The following SGCG variants were observed in gnomAD, a reference collection of about 807,000 sequenced individuals.
The protein encoded by SGCG is sarcoglycan gamma, also known as gamma-sarcoglycan.
SGCG carries 26 observed loss-of-function variants against 29.3 expected under a neutral mutation model. That is an observed-to-expected ratio of 0.89 (90% confidence interval 0.65 to 1.23). The LOEUF is 1.23. Ranked by LOEUF, SGCG falls within the 50% of genes most tolerant of loss-of-function variation. The pLI is 0.00. For missense variants in SGCG, 353 were observed against 356.0 expected, an observed-to-expected ratio of 0.99 and a Z score of 0.07; for synonymous variants, 145 against 129.7, an observed-to-expected ratio of 1.12 and a Z score of -0.80.
At chr13:23,189,468 G>A (rs905975673) in intron 1 of SGCG, among the ~76,000 whole-genome samples, 1 of 152,006 alleles carries the variant, frequency 6.6e-6, no homozygotes, top group Non-Finnish European at 1.5e-5. Context: ...GAGCCACTGC[G>A]CCTGGCCTTT....
chr13:23,248,013 G>A (rs1211354593), intron 3 of SGCG, among the ~76,000 whole-genome samples: 1 of 139,266 alleles, frequency 7.2e-6, no homozygotes, highest in Non-Finnish European at 1.6e-5. Context: ...AGTGGCTCAC[G>A]CCTGTAATCC....
chr13:23,313,531 C>G (rs1189279386), intron 6 of SGCG, among the ~76,000 whole-genome samples: 1 of 152,102 alleles, frequency 6.6e-6, no homozygotes, highest in Non-Finnish European at 1.5e-5. Context: ...ACATGTTTGA[C>G]TGTTCATAGT....
At chr13:23,178,816 C>G (rs766884260), upstream of SGCG, among the ~76,000 whole-genome samples, 5 of 152,160 alleles carry the variant, frequency 3.3e-5, no homozygotes, top group East Asian at 9.6e-4. Flanking sequence ...AGTGATCCCC[C>G]GAACCCAACC....
intron 4 of SGCG, among the ~76,000 whole-genome samples, chr13:23,253,680 C>T (rs1171385181): frequency 6.6e-6 from 1 of 152,310 alleles, no homozygotes; most frequent in East Asian, 1.9e-4. Flanking sequence ...ATGTGCGTCC[C>T]CTCCAAATGT....
At chr13:23,171,535 G>T in the SGCG span, among the ~76,000 whole-genome samples, 548 of 152,276 alleles carry the variant, frequency 3.6e-3, 4 homozygotes, top group African/African-American at 0.013. Flanking sequence ...AACCAAGGAG[G>T]CTATAAGGCA....
At chr13:23,252,587 C>A (rs759884868) in intron 4 of SGCG, among the ~76,000 whole-genome samples, 51 of 151,824 alleles carry the variant, frequency 3.4e-4, no homozygotes, top group Non-Finnish European at 4.7e-4. Flanking sequence ...GCTACTTGGG[C>A]GGCTGAGGCA....
intron 2 of SGCG, among the ~76,000 whole-genome samples, chr13:23,216,817 T>C (rs1448996678): frequency 6.6e-6 from 1 of 152,122 alleles, no homozygotes; most frequent in African/African-American, 2.4e-5. Context: ...TGTGGACTAA[T>C]TGATTGATTG....
intron 6 of SGCG, among the ~76,000 whole-genome samples, chr13:23,320,394 T>C (rs772817799): frequency 3.3e-5 from 5 of 152,256 alleles, no homozygotes; most frequent in Non-Finnish European, 7.3e-5. Context: ...GACTGCCTAA[T>C]GTTTTTATCG....
intron 3 of SGCG, among the ~76,000 whole-genome samples, chr13:23,247,345 C>G (rs1046327368): frequency 6.6e-6 from 1 of 152,134 alleles, no homozygotes; most frequent in African/African-American, 2.4e-5. Flanking sequence ...AAAACCTTTT[C>G]GTAAGACTTC....
chr13:23,198,958 A>G (rs9580570), intron 1 of SGCG, among the ~76,000 whole-genome samples: 34,128 of 151,366 alleles, frequency 0.23, 4,131 homozygotes, highest in East Asian at 0.35. Context: ...AATACAAAAA[A>G]TTAGCGGGGC....
the SGCG span, among the ~76,000 whole-genome samples, chr13:23,167,736 T>C: frequency 6.6e-6 from 1 of 152,084 alleles, no homozygotes; most frequent in Non-Finnish European, 1.5e-5. Flanking sequence ...TTGCCCTTTT[T>C]TTTTTTTCTT....
At position 23,273,477 on chromosome 13, in the gene SGCG, G is replaced by A. The variant is rs115566158; in HGVS notation, c.386-5882G>A. Among the ~76,000 whole-genome samples, 1,172 of 152,218 alleles carry A rather than the reference G, an allele frequency of 7.7e-3. 18 individuals carry two copies. Among genetic ancestry groups the A allele is most frequent in the African/African-American group, 0.026 (1,082 of 41,506 alleles). ...TGGGATTACAGATGTGAGCTACCAC[G>A]CCCAGCCAGTTGATATTTTTATTGA... On this transcript the variant is annotated intron_variant, in intron 4 of 7. Transcript: ENST00000218867.
At chr13:23,235,273 C>T (rs573256588) in intron 3 of SGCG, among the ~76,000 whole-genome samples, 15 of 152,002 alleles carry the variant, frequency 9.9e-5, no homozygotes, top group Middle Eastern at 3.4e-3. Flanking sequence ...GTAGGAGAAT[C>T]GCTTGAACCC....
At chr13:23,266,314 A>G (rs960937287) in intron 4 of SGCG, among the ~76,000 whole-genome samples, 8 of 152,086 alleles carry the variant, frequency 5.3e-5, no homozygotes, top group African/African-American at 1.9e-4. Flanking sequence ...TATATGATAT[A>G]TGTAATTGTG....
At chr13:23,181,352 T>G (rs76092476) in intron 1 of SGCG, among the ~76,000 whole-genome samples, 2,849 of 152,308 alleles carry the variant, frequency 0.019, 80 homozygotes, top group African/African-American at 0.065. Context: ...AAAGGTAGCA[T>G]TTCTGTATTA....
intron 4 of SGCG, chr13:23,268,900 A>AC (rs991763200): frequency 1.1e-4 from 2 of 18,500 alleles, no homozygotes; most frequent in Non-Finnish European, 1.2e-3. Flanking sequence ...TGAACGCTTT[A>AC]AAAAAAAAAA....
chr13:23,311,221 G>A (rs1432693333), intron 6 of SGCG, among the ~76,000 whole-genome samples: 1 of 152,188 alleles, frequency 6.6e-6, no homozygotes, highest in East Asian at 1.9e-4. Flanking sequence ...TAGAGATCAT[G>A]TGATTTTCAT....
chr13:23,236,504 C>T (rs970281968), intron 3 of SGCG, among the ~76,000 whole-genome samples: 13 of 151,952 alleles, frequency 8.6e-5, no homozygotes, highest in Non-Finnish European at 1.3e-4. Context: ...AGTGAAACCC[C>T]GTCTCTACTA....
chr13:23,320,488 A>C, intron 6 of SGCG, 149 bp from the exon 7 acceptor site: 3 of 679,762 alleles, frequency 4.4e-6, no homozygotes, highest in Non-Finnish European at 7.5e-6. Flanking sequence ...TTTATCAATG[A>C]ATAATGCACA....
Sources: gnomAD v4.1 joint callset for allele counts (sites outside exome capture counted in the v4.1 genomes callset) on GRCh38, gnomAD v4.1.1 for gene constraint, MANE v1.5 for transcripts, NCBI Gene and HGNC (gene_info 2026-07-23, HGNC 2026-07-21) for gene names.